DACH1: variants seen among roughly 807,000 people sequenced by gnomAD.
DACH1 encodes dachshund family transcription factor 1.
Under a neutral mutation model 54.2 loss-of-function variants are expected in DACH1, and 12 were observed. The observed-to-expected ratio is 0.22, with a 90% CI of 0.14 to 0.36. The LOEUF (loss-of-function observed/expected upper bound fraction) is 0.36, where lower values mean the gene tolerates loss of function less well. DACH1 is among the 10% of genes least tolerant of loss of function. The pLI is 1.00. For synonymous variants in DACH1, 386 were observed against 366.2 expected (o/e 1.05, Z -0.62); for missense variants, 805 against 929.8 (o/e 0.87, Z 1.75).
At chr13:71,547,610 A>G (rs1883542781) in intron 6 of DACH1, among the ~76,000 whole-genome samples, 1 of 152,166 alleles carries the variant, frequency 6.6e-6, no homozygotes, top group Admixed American at 6.6e-5. Flanking sequence ...TCAAAAGGAC[A>G]AGATTAAGTG....
At chr13:71,535,177 A>G (rs888797356) in intron 6 of DACH1, among the ~76,000 whole-genome samples, 2 of 151,846 alleles carry the variant, frequency 1.3e-5, no homozygotes, top group Non-Finnish European at 2.9e-5. Context: ...GTATATTAAC[A>G]CTGTATTATA....
chr13:71,777,147 T>C (rs1361357113), intron 1 of DACH1, among the ~76,000 whole-genome samples: 4 of 152,114 alleles, frequency 2.6e-5, no homozygotes, highest in Admixed American at 1.3e-4. Context: ...TTCCTTAAAA[T>C]GGTAAAGGGG....
chr13:71,633,588 T>C (rs944408601), intron 2 of DACH1, among the ~76,000 whole-genome samples: 1 of 148,572 alleles, frequency 6.7e-6, no homozygotes, highest in East Asian at 1.9e-4. Flanking sequence ...CCAAAAGATA[T>C]ATGTGTGTCA....
intron 3 of DACH1, among the ~76,000 whole-genome samples, chr13:71,608,386 G>T (rs1458601345): frequency 1.3e-5 from 2 of 151,930 alleles, no homozygotes; most frequent in East Asian, 3.9e-4. Context: ...ATGTTGGTTT[G>T]TTAAGAACAT....
At chr13:71,687,674 C>G (rs567064038) in intron 1 of DACH1, among the ~76,000 whole-genome samples, 1 of 152,174 alleles carries the variant, frequency 6.6e-6, no homozygotes, top group South Asian at 2.1e-4. Flanking sequence ...GTGATGTGAT[C>G]ACAGCTCACT....
chr13:71,464,058 A>T (rs934514116), intron 10 of DACH1, among the ~76,000 whole-genome samples: 4 of 152,024 alleles, frequency 2.6e-5, no homozygotes, highest in Admixed American at 2.0e-4. Context: ...GTTGTTAATA[A>T]TAACAAATAG....
intron 2 of DACH1, among the ~76,000 whole-genome samples, chr13:71,672,552 G>T (rs2138679448): frequency 6.6e-6 from 1 of 152,250 alleles, no homozygotes; most frequent in East Asian, 1.9e-4. Context: ...TTAAGGGAAG[G>T]AGTTGAAGCT....
chr13:71,695,940 T>C (rs1371642498), intron 1 of DACH1, among the ~76,000 whole-genome samples: 3 of 152,336 alleles, frequency 2.0e-5, no homozygotes, highest in South Asian at 2.1e-4. Flanking sequence ...TGATCTACTA[T>C]GACACTCATA....
chr13:71,549,146 A>G (rs2138351922), intron 6 of DACH1, among the ~76,000 whole-genome samples: 1 of 152,234 alleles, frequency 6.6e-6, no homozygotes, highest in East Asian at 1.9e-4. Flanking sequence ...AAGCCAAATA[A>G]TAAGTTATCC....
chr13:71,645,149 C>T (rs1350543527), intron 2 of DACH1, among the ~76,000 whole-genome samples: 1 of 152,090 alleles, frequency 6.6e-6, no homozygotes, highest in East Asian at 1.9e-4. Flanking sequence ...ACGCAAGAAA[C>T]CATAAAGTGC....
intron 2 of DACH1, among the ~76,000 whole-genome samples, chr13:71,663,262 T>A (rs1172490536): frequency 6.6e-6 from 1 of 151,756 alleles, no homozygotes; most frequent in Admixed American, 6.6e-5. Context: ...TTCAATAACA[T>A]CAATCAGTTA....
intron 1 of DACH1, among the ~76,000 whole-genome samples, chr13:71,864,104 G>A (rs1439262948): frequency 1.3e-5 from 2 of 151,466 alleles, no homozygotes; most frequent in Admixed American, 6.6e-5. Flanking sequence ...GACGTTTAGT[G>A]ATCTTGCTTC....
intron 1 of DACH1, among the ~76,000 whole-genome samples, chr13:71,792,564 A>G (rs1018538808): frequency 6.6e-6 from 1 of 152,212 alleles, no homozygotes; most frequent in Non-Finnish European, 1.5e-5. Flanking sequence ...TGTCAAACTC[A>G]ACTTGTAAAA....
chr13:71,646,497 G>A (rs1878282889), intron 2 of DACH1, among the ~76,000 whole-genome samples: 1 of 152,082 alleles, frequency 6.6e-6, no homozygotes, highest in Non-Finnish European at 1.5e-5. Context: ...ATAAAAACAT[G>A]AAGAATTTCA....
intron 3 of DACH1, among the ~76,000 whole-genome samples, chr13:71,627,355 C>T (rs947060436): frequency 6.8e-6 from 1 of 147,308 alleles, no homozygotes; most frequent in African/African-American, 2.5e-5. Flanking sequence ...AAAAAAAAGC[C>T]TAAAATGTTT....
intron 1 of DACH1, among the ~76,000 whole-genome samples, chr13:71,707,930 T>A (rs979278978): frequency 2.0e-5 from 3 of 152,124 alleles, no homozygotes; most frequent in African/African-American, 7.2e-5. Flanking sequence ...TTGGCTTTTA[T>A]CCTTGAAAGA....
At position 71,866,222 on chromosome 13, in the gene DACH1, G is replaced by C; in HGVS notation, c.548C>G (p.Pro183Arg). The C allele has an allele frequency of 6.2e-7, 1 of 1,612,754 alleles. No individual in the cohort carries two copies. Among genetic ancestry groups the C allele is most frequent in the Non-Finnish European group, 8.5e-7 (1 of 1,179,372 alleles). ...CACCATTTTGCACTCATTATTCTGA[G>C]GGGTGTTTTCCACTGGGGACGGGGT... ...YSTPSPVENT[P>R]QNNECKMVDL... Residue 183 changes from proline (P) to arginine (R), a missense_variant, in exon 1 of 11, where the codon CCT becomes CGT. This residue lies in a region of DACH1 where 305 missense variants were observed against 308.7 expected (regional missense o/e 0.99). Coordinates refer to ENST00000613252, the MANE Select transcript of DACH1 (RefSeq NM_080759.6).
At chr13:71,794,593 A>C (rs545457094) in intron 1 of DACH1, among the ~76,000 whole-genome samples, 137 of 152,206 alleles carry the variant, frequency 9.0e-4, no homozygotes, top group African/African-American at 3.2e-3. Context: ...GCGTGCCACC[A>C]TGCTCGGCTA....
intron 1 of DACH1, among the ~76,000 whole-genome samples, chr13:71,706,569 C>T (rs1188011902): frequency 6.6e-6 from 1 of 152,038 alleles, no homozygotes; most frequent in Non-Finnish European, 1.5e-5. Context: ...TGGCTTGATA[C>T]AAAAATAAAA....
Sources: gnomAD v4.1 joint callset for allele counts (sites outside exome capture counted in the v4.1 genomes callset) on GRCh38, gnomAD v4.1.1 for gene constraint, gnomAD v4.1.1 regional missense constraint, MANE v1.5 for transcripts, NCBI Gene and HGNC (gene_info 2026-07-23, HGNC 2026-07-21) for gene names.